CLPB: variants seen among roughly 807,000 people sequenced by gnomAD.
The protein encoded by CLPB is ClpB family mitochondrial disaggregase, also known as mitochondrial disaggregase.
A neutral mutation model predicts 78.4 loss-of-function variants in CLPB; 40 were observed. The observed-to-expected ratio is 0.51, with a 90% confidence interval of 0.40 to 0.66. CLPB has a LOEUF of 0.66. CLPB is among the 30% of genes least tolerant of loss of function. The pLI, the probability that CLPB is intolerant of heterozygous loss-of-function variation, is 0.00. For synonymous variants in CLPB, 333 were observed against 348.0 expected (o/e 0.96, Z 0.48); for missense variants, 780 against 886.9 (o/e 0.88, Z 1.53).
In CLPB at chr11:72,293,420, T is replaced by C. The variant is rs2135483452; in HGVS notation, c.1981A>G (p.Arg661Gly). The change falls in exon 16 of 16, where the codon AGA becomes GGA. Residue 661 changes from arginine (R) to glycine (G), a missense_variant. Arg to Gly is a moderately radical substitution (Grantham distance 125). Around this residue, in one of 3 missense-constraint regions of CLPB, gnomAD observed 272 missense variants for 304.0 expected, o/e 0.89. Coordinates refer to ENST00000538039, the MANE Select transcript of CLPB (RefSeq NM_001258392.3). ...EIIDKDSKTR[R>G]LDIRAPLHPE... The stretch of plus-strand genomic sequence containing the variant: ...TGCAGTGGTGCCCGGATGTCCAGTC[T>C]GCGAGTCTTGCTGTCCTTGTCGATG... 6.2e-7 allele frequency: 1 copy of C among 1,614,178 alleles called. No individual in the cohort carries two copies. The highest frequency in any genetic ancestry group is 1.6e-4 in the Middle Eastern group (1 of 6,062).
chr11:72,292,644 A>C lies in CLPB; in HGVS notation c.*723T>G, dbSNP rs1949470137. On this transcript the variant is annotated 3_prime_UTR_variant, in exon 16 of 16. Transcript: ENST00000538039. ...GCTTGGTTATCTGGGACTGCTGCTC[A>C]GTCTGAGTAGGGGAGGGTAATGAAC... 6.6e-6 allele frequency: 1 copy of C among 152,210 alleles called. No individual in the cohort carries two copies. Among genetic ancestry groups the C allele is most frequent in the African/African-American group, 2.4e-5 (1 of 41,430 alleles). The allele number at this position is 152,210 out of a possible 1,614,324, so 9.4% of individuals were successfully genotyped here.
At chr11:72,341,277 T>C (rs942142158) in intron 5 of CLPB, among the ~76,000 whole-genome samples, 5 of 152,074 alleles carry the variant, frequency 3.3e-5, no homozygotes, top group Admixed American at 6.5e-5. Flanking sequence ...ACCTCCTTAA[T>C]AGACAGAAGG....
intron 2 of CLPB, among the ~76,000 whole-genome samples, chr11:72,421,128 CATACCTAGTCA>C (rs1325898370): frequency 6.6e-6 from 1 of 152,204 alleles, no homozygotes; most frequent in Non-Finnish European, 1.5e-5. Context: ...ACATGAATGA[CATACCTAGTCA>C]AACCAATCCC....
At chr11:72,377,323 AGG>A (rs1854738934) in intron 4 of CLPB, among the ~76,000 whole-genome samples, 1 of 152,228 alleles carries the variant, frequency 6.6e-6, no homozygotes, top group Non-Finnish European at 1.5e-5. Context: ...ACATGACGGC[AGG>A]GGATCTTGTC....
At chr11:72,308,890 T>A (rs1402029805) in intron 7 of CLPB, among the ~76,000 whole-genome samples, 1 of 151,708 alleles carries the variant, frequency 6.6e-6, no homozygotes, top group Non-Finnish European at 1.5e-5. Flanking sequence ...GGGTGGATGG[T>A]GAATGGAGGT....
intron 1 of CLPB, among the ~76,000 whole-genome samples, chr11:72,432,242 T>C (rs144978876): frequency 4.9e-4 from 74 of 152,276 alleles, no homozygotes; most frequent in African/African-American, 1.8e-3. Flanking sequence ...ATAATCCAAC[T>C]CTCACACATT....
At chr11:72,426,314 A>G (rs950451542) in intron 2 of CLPB, among the ~76,000 whole-genome samples, 3 of 151,788 alleles carry the variant, frequency 2.0e-5, no homozygotes, top group Admixed American at 6.6e-5. Context: ...AGTCCTGACA[A>G]CTCCTCACAT....
chr11:72,371,141 G>A (rs1461676029), intron 4 of CLPB, among the ~76,000 whole-genome samples: 6 of 151,986 alleles, frequency 3.9e-5, no homozygotes, highest in Non-Finnish European at 8.8e-5. Context: ...ATGGCTTACT[G>A]CAGCCTTGAC....
chr11:72,389,406 A>G (rs1441225174), intron 3 of CLPB, among the ~76,000 whole-genome samples: 1 of 152,238 alleles, frequency 6.6e-6, no homozygotes, highest in Non-Finnish European at 1.5e-5. Context: ...TGATGCTGGC[A>G]TACTGGCTGC....
chr11:72,389,151 G>T (rs532766675), intron 3 of CLPB, among the ~76,000 whole-genome samples: 3 of 152,280 alleles, frequency 2.0e-5, no homozygotes, highest in Admixed American at 2.0e-4. Flanking sequence ...AGGAGACAAT[G>T]GAAATGGAAT....
At chr11:72,342,247 G>A (rs1337184872) in intron 5 of CLPB, among the ~76,000 whole-genome samples, 1 of 152,122 alleles carries the variant, frequency 6.6e-6, no homozygotes, top group African/African-American at 2.4e-5. Flanking sequence ...ACGGAAAATA[G>A]GTAGATCAGT....
intron 2 of CLPB, among the ~76,000 whole-genome samples, chr11:72,425,826 G>T (rs1486634695): frequency 7.2e-5 from 11 of 152,102 alleles, no homozygotes. Context: ...TATTTACAAA[G>T]TCCAACTGAT....
chr11:72,373,089 A>C, intron 4 of CLPB: 2 of 1,298,790 alleles, frequency 1.5e-6, no homozygotes, highest in Non-Finnish European at 1.1e-6. Context: ...GGAAGGGGGC[A>C]CTCAGGCTGG....
At chr11:72,358,800 A>AT in intron 5 of CLPB, 80 bp downstream of exon 5, 4 of 88,290 alleles carry the variant, frequency 4.5e-5, no homozygotes, top group South Asian at 2.9e-4. Context: ...GCCAAGCCCC[A>AT]TCCCACCCCT....
chr11:72,408,375 A>G (rs1387408121), intron 2 of CLPB, among the ~76,000 whole-genome samples: 1 of 152,184 alleles, frequency 6.6e-6, no homozygotes, highest in South Asian at 2.1e-4. Flanking sequence ...TGGTAGATCA[A>G]GAAAGAACCG....
intron 5 of CLPB, among the ~76,000 whole-genome samples, chr11:72,332,317 T>C (rs939926628): frequency 8.6e-4 from 123 of 143,012 alleles, no homozygotes; most frequent in African/African-American, 3.1e-3. Context: ...ACCCCATCTC[T>C]ACTAAAAAAA....
chr11:72,382,063 C>T (rs1030786350), intron 3 of CLPB, among the ~76,000 whole-genome samples: 1 of 151,976 alleles, frequency 6.6e-6, no homozygotes, highest in African/African-American at 2.4e-5. Context: ...AGGCTCTTGA[C>T]CATCACTCAC....
chr11:72,297,702 T>TGA (rs753090263), intron 11 of CLPB, among the ~76,000 whole-genome samples: 2,762 of 129,706 alleles, frequency 0.021, 261 homozygotes, highest in Middle Eastern at 0.036. Context: ...TGTGTGTGTG[T>TGA]GACATGTCCA....
At chr11:72,405,431 C>T (rs1049163756) in intron 2 of CLPB, among the ~76,000 whole-genome samples, 4 of 152,182 alleles carry the variant, frequency 2.6e-5, no homozygotes, top group Non-Finnish European at 5.9e-5. Context: ...GGAGCATACA[C>T]TCTCAAAAAC....
Sources: gnomAD v4.1 joint callset for allele counts (sites outside exome capture counted in the v4.1 genomes callset) on GRCh38, gnomAD v4.1.1 for gene constraint, gnomAD v4.1.1 regional missense constraint, MANE v1.5 for transcripts, NCBI Gene and HGNC (gene_info 2026-07-23, HGNC 2026-07-21) for gene names.